The following CPEB4 variants were observed in gnomAD, a reference collection of about 807,000 sequenced individuals.
CPEB4 encodes the protein cytoplasmic polyadenylation element binding protein 4.
A neutral mutation model predicts 72.5 loss-of-function variants in CPEB4; 12 were observed. The observed-to-expected ratio is 0.17, with a 90% CI of 0.11 to 0.27. The LOEUF is 0.27. Ranked by LOEUF, CPEB4 falls within the 10% of genes least tolerant of loss-of-function variation. CPEB4 has a pLI of 1.00. For synonymous variants in CPEB4, 302 were observed against 326.3 expected (o/e 0.93, Z 0.80); for missense variants, 614 against 908.5 (o/e 0.68, Z 4.17).
chr5:173,924,434 C>A (rs1169778625), intron 2 of CPEB4, among the ~76,000 whole-genome samples: 1 of 152,138 alleles, frequency 6.6e-6, no homozygotes, highest in Non-Finnish European at 1.5e-5. Flanking sequence ...GCTGAAATAT[C>A]CCCCAGATTT....
In CPEB4 at chr5:173,932,603, G is replaced by C. The variant is rs1413095957; in HGVS notation, c.1258+103G>C. 3.8e-6 allele frequency: 3 copies of C among 786,226 alleles called. No homozygotes were observed. In the Admixed American group the frequency reaches 8.1e-5, roughly 21 times the overall value. The allele number at this position is 786,226 out of a possible 1,614,324, so 48.7% of individuals were successfully genotyped here. A position where few individuals can be genotyped will look rare whatever the true frequency, so the allele number is the denominator to read the frequency against. On this transcript the variant is annotated intron_variant, in intron 3 of 9. Transcript: ENST00000265085. ...ATTAGTTTGTTCTGTAATGATAACTGTAAGTTGCTATTAAACTATCAGCTA... is the reference window on the plus strand; with the variant it reads ...ATTAGTTTGTTCTGTAATGATAACTCTAAGTTGCTATTAAACTATCAGCTA...
Position 173,900,276 on chromosome 5 carries a change from G to A in CPEB4, c.1125+9418G>A, listed in dbSNP as rs1287874089. 6.6e-6 allele frequency among the ~76,000 whole-genome samples: 1 copy of A among 151,984 alleles called. No individual in the cohort carries two copies. The highest frequency in any genetic ancestry group is 1.9e-4 in the East Asian group (1 of 5,188). On this transcript the variant is annotated intron_variant, in intron 1 of 9. Coordinates refer to ENST00000265085, the MANE Select transcript of CPEB4 (RefSeq NM_030627.4). This position sits in a 1 kb window ranked among gnomAD's most constrained non-coding sequence, Gnocchi z 4.4. ...CAAAATTAGCCTGGTGTGGTGGCGG[G>A]CGCCTGTAGTCCCAGCTATTCTGGA...
chr5:173,942,011 G>C (rs1757864159), intron 3 of CPEB4, among the ~76,000 whole-genome samples: 1 of 152,216 alleles, frequency 6.6e-6, no homozygotes, highest in Admixed American at 6.5e-5. Context: ...GTTGAGCCTG[G>C]AATGCCCTTC....
At position 173,947,964 on chromosome 5, in the gene CPEB4, G is replaced by A. The variant is rs181620852; in HGVS notation, c.1457-1544G>A. Among the ~76,000 whole-genome samples, 32 of 152,204 alleles carry A rather than the reference G, an allele frequency of 2.1e-4. No individual in the cohort carries two copies. In the East Asian group the frequency reaches 4.8e-3, roughly 23 times the overall value. On this transcript the variant is annotated intron_variant, in intron 5 of 9. Coordinates refer to ENST00000265085, the MANE Select transcript of CPEB4 (RefSeq NM_030627.4). ...GCTTAAGAATGGAGGCAAGAAGTGC[G>A]AAGGACATGGGAGCCTCCCACGCCT...
chr5:173,889,757 G>A lies in CPEB4; in HGVS notation c.24G>A (p.Val8=). 1 of 1,607,190 alleles carries A rather than the reference G, an allele frequency of 6.2e-7. No individual in the cohort carries two copies. Residue 8 remains valine, a synonymous_variant, in exon 1 of 10, where the codon GTG becomes GTA. Transcript: ENST00000265085. ...AAATGGGGGATTACGGGTTTGGAGT[G>A]CTAGTGCAAAGCAATACTGGGAATA... The part of the protein sequence containing the change: MGDYGFG[V]LVQSNTGNKS...
At chr5:173,905,646 A>T (rs1581117808) in intron 1 of CPEB4, among the ~76,000 whole-genome samples, 2 of 152,254 alleles carry the variant, frequency 1.3e-5, no homozygotes, top group East Asian at 3.9e-4. Context: ...ACTCTAAGTG[A>T]TCATTTTCTT....
rs1758414030 is a variant in CPEB4, at chr5:173,957,444, G to A, written c.*1307G>A. On this transcript the variant is annotated 3_prime_UTR_variant, in exon 10 of 10. Transcript: ENST00000265085. ...AAACTAAAATAACATTACAGTTTCC[G>A]AATTTAGCATGGGACATAGTCAGTG... The A allele has an allele frequency of 6.5e-6, 1 of 152,688 alleles. No individual in the cohort carries two copies. The highest frequency in any genetic ancestry group is 2.4e-5 in the African/African-American group (1 of 41,416). 9.5% of individuals were successfully genotyped at this position (152,688 alleles called of 1,614,324 possible). A position where few individuals can be genotyped will look rare whatever the true frequency, so the allele number is the denominator to read the frequency against.
At chr5:173,936,849 T>G (rs528194811) in intron 3 of CPEB4, among the ~76,000 whole-genome samples, 1 of 151,700 alleles carries the variant, frequency 6.6e-6, no homozygotes, top group Admixed American at 6.6e-5. Flanking sequence ...TTCATTCTCC[T>G]GCTTTAGCCC....
At chr5:173,932,534 A>G in intron 3 of CPEB4, 34 bp downstream of exon 3, 1 of 1,527,122 alleles carries the variant, frequency 6.5e-7, no homozygotes, top group Non-Finnish European at 9.0e-7. Flanking sequence ...AGTGAAGTGC[A>G]CAAAACTGAT....
At chr5:173,916,969 T>G (rs2113195464) in intron 2 of CPEB4, among the ~76,000 whole-genome samples, 1 of 152,284 alleles carries the variant, frequency 6.6e-6, no homozygotes, top group South Asian at 2.1e-4. Flanking sequence ...GATACACCAT[T>G]TTACTAATAT....
At chr5:173,946,620 TA>T (rs1453206082) in intron 5 of CPEB4, among the ~76,000 whole-genome samples, 6 of 152,170 alleles carry the variant, frequency 3.9e-5, no homozygotes, top group South Asian at 2.1e-4. Flanking sequence ...CCTGCAAGGT[TA>T]GGGGCATAGC....
At chr5:173,922,767 C>T (rs1757117381) in intron 2 of CPEB4, among the ~76,000 whole-genome samples, 1 of 152,194 alleles carries the variant, frequency 6.6e-6, no homozygotes, top group Non-Finnish European at 1.5e-5. Flanking sequence ...TCCTTCGCTT[C>T]CCACCCCCAA....
intron 2 of CPEB4, among the ~76,000 whole-genome samples, chr5:173,928,443 G>A (rs532186314): frequency 5.3e-4 from 81 of 152,260 alleles, no homozygotes; most frequent in African/African-American, 1.9e-3. Context: ...TCTCCATTCT[G>A]CTGTGAACCT....
chr5:173,948,995 A>G (rs994467370), intron 5 of CPEB4, among the ~76,000 whole-genome samples: 1 of 152,198 alleles, frequency 6.6e-6, no homozygotes. Flanking sequence ...CAGTCATTCT[A>G]TAGAATGAAT....
Position 173,945,153 on chromosome 5 carries a change from C to A in CPEB4, c.1456+13C>A. ...GACATTGATGAAGGTATGTTTAGAA[C>A]TGTTTATAGCACGGTGCCCAGATGG... On this transcript the variant is annotated intron_variant, in intron 5 of 9. Transcript: ENST00000265085. 1 of 1,603,952 alleles carries A rather than the reference C, an allele frequency of 6.2e-7. No individual in the cohort carries two copies. The highest frequency in any genetic ancestry group is 1.1e-5 in the South Asian group (1 of 90,434).
At chr5:173,947,088 G>A (rs1011115334) in intron 5 of CPEB4, among the ~76,000 whole-genome samples, 2 of 151,974 alleles carry the variant, frequency 1.3e-5, no homozygotes, top group Admixed American at 6.6e-5. Flanking sequence ...TGGAATTTAG[G>A]CATACTCCTC....
rs964874414 is a variant in CPEB4, at chr5:173,904,349, T to G, written c.1126-6174T>G. On this transcript the variant is annotated intron_variant, in intron 1 of 9. Coordinates refer to ENST00000265085, the MANE Select transcript of CPEB4 (RefSeq NM_030627.4). ...ATAGTAATCCTATTAGTACTGTTACTACCACCAGTACTCCTGTGGTTAGTA... is the reference window on the plus strand; with the variant it reads ...ATAGTAATCCTATTAGTACTGTTACGACCACCAGTACTCCTGTGGTTAGTA... Among the ~76,000 whole-genome samples the G allele has an allele frequency of 2.6e-5, 4 of 152,360 alleles. No individual in the cohort carries two copies. In the East Asian group the frequency reaches 7.7e-4, roughly 29 times the overall value.
intron 3 of CPEB4, among the ~76,000 whole-genome samples, chr5:173,938,298 T>C (rs1757700790): frequency 6.6e-6 from 1 of 152,198 alleles, no homozygotes. Flanking sequence ...CAATCTCAGC[T>C]CACTGCAATC....
At chr5:173,951,970 C>T (rs1032428959) in intron 8 of CPEB4, 32 bp downstream of exon 8, 1 of 1,354,208 alleles carries the variant, frequency 7.4e-7, no homozygotes, top group African/African-American at 1.4e-5. Context: ...ACTCTCTACC[C>T]TATAGCGCAA....
Sources: gnomAD v4.1 joint callset for allele counts (sites outside exome capture counted in the v4.1 genomes callset) on GRCh38, gnomAD v4.1.1 for gene constraint, Gnocchi (gnomAD v3.1) non-coding constraint, MANE v1.5 for transcripts, NCBI Gene and HGNC (gene_info 2026-07-23, HGNC 2026-07-21) for gene names.